The following ZNF618 variants were observed in gnomAD, a reference collection of about 807,000 sequenced individuals.
The protein encoded by ZNF618 is zinc finger protein 618, also known as neural precursor cell expressed, developmentally down-regulated 10.
In ZNF618, 34 loss-of-function variants were observed where a neutral mutation model predicts 103.0. That is an observed-to-expected ratio of 0.33 (90% CI 0.25 to 0.44). The LOEUF (loss-of-function observed/expected upper bound fraction) is 0.44. Among genes scored for constraint, ZNF618 ranks in the 20% least tolerant of loss-of-function variants. The pLI is 1.00. For synonymous variants in ZNF618, 551 were observed against 542.2 expected (o/e 1.02, Z -0.23); for missense variants, 1,059 against 1,295.4 (o/e 0.82, Z 2.80).
chr9:113,884,936 T>C (rs1564126860), intron 1 of ZNF618, among the ~76,000 whole-genome samples: 1 of 152,234 alleles, frequency 6.6e-6, no homozygotes, highest in Non-Finnish European at 1.5e-5. Context: ...TCCTGCCCTG[T>C]GTGTATACAC....
In ZNF618 at chr9:114,049,702, G is replaced by A. The variant is rs200450990; in HGVS notation, c.2400G>A (p.Pro800=). 2.0e-5 allele frequency: 33 copies of A among 1,613,704 alleles called. No homozygotes were observed. In the African/African-American group the frequency reaches 2.1e-4, roughly 10 times the overall value. The change falls in exon 15 of 15, where the codon CCG becomes CCA. Residue 800 remains proline, a synonymous_variant. Transcript: ENST00000374126. ...TCAAGGAGAACTTCAAGGTGCACCC[G>A]GCCCACAAGGTGGCCATGATCCTGG... ...EALKENFKVH[P]AHKVAMILDP...
rs1846039905 is a variant in ZNF618, at chr9:114,050,326, G to A, written c.*159G>A. 2.5e-6 allele frequency: 2 copies of A among 813,354 alleles called. No individual in the cohort carries two copies. The highest frequency in any genetic ancestry group is 1.7e-5 in the African/African-American group (1 of 57,768). 50.4% of individuals were successfully genotyped at this position (813,354 alleles called of 1,614,324 possible). ...AAGTGCTTTTTTTATATGTGTGTGTGTGCGTGTATGTACACAGCCACACGT... is the reference window on the plus strand; with the variant it reads ...AAGTGCTTTTTTTATATGTGTGTGTATGCGTGTATGTACACAGCCACACGT... On this transcript the variant is annotated 3_prime_UTR_variant, in exon 15 of 15. Coordinates refer to ENST00000374126, the MANE Select transcript of ZNF618 (RefSeq NM_001318042.2).
Position 114,053,441 on chromosome 9 carries a change from C to T in ZNF618, c.*3274C>T, listed in dbSNP as rs371065498. 3 of 152,418 alleles carry T rather than the reference C, an allele frequency of 2.0e-5. No individual in the cohort carries two copies. The highest frequency in any genetic ancestry group is 3.9e-4 in the East Asian group (2 of 5,186). 9.4% of individuals were successfully genotyped at this position (152,418 alleles called of 1,614,324 possible). On this transcript the variant is annotated 3_prime_UTR_variant, in exon 15 of 15. Coordinates refer to ENST00000374126, the MANE Select transcript of ZNF618 (RefSeq NM_001318042.2). Reference sequence around the variant, plus strand: ...TATTCTCAGCAGCCTAAGGTGGTGGCCTGCTGATGTGGAGACTACTCACCT... The same window carrying T: ...TATTCTCAGCAGCCTAAGGTGGTGGTCTGCTGATGTGGAGACTACTCACCT...
chr9:114,007,175 G>A (rs1472591520), intron 6 of ZNF618, among the ~76,000 whole-genome samples, 175 bp from the exon 7 acceptor site: 1 of 152,140 alleles, frequency 6.6e-6, no homozygotes, highest in African/African-American at 2.4e-5. Context: ...TGCCCTTGGG[G>A]CAAATCCCTT....
At chr9:113,922,863 A>G (rs1832770893) in intron 1 of ZNF618, among the ~76,000 whole-genome samples, 1 of 152,140 alleles carries the variant, frequency 6.6e-6, no homozygotes, top group African/African-American at 2.4e-5. Flanking sequence ...TGTGATTGGG[A>G]TTGTATCAAA....
At chr9:114,001,897 G>C in intron 4 of ZNF618, 99 bp from the exon 5 acceptor site, 1 of 1,037,320 alleles carries the variant, frequency 9.6e-7, no homozygotes, top group Non-Finnish European at 1.5e-6. Flanking sequence ...CTGCCCCTGG[G>C]ACAGAGAGTT....
At chr9:113,972,256 C>T (rs147719803) in intron 2 of ZNF618, among the ~76,000 whole-genome samples, 1,668 of 152,162 alleles carry the variant, frequency 0.011, 16 homozygotes, top group South Asian at 0.023. Context: ...ACTGTGTTGC[C>T]CAGGCTGGTC....
intron 1 of ZNF618, among the ~76,000 whole-genome samples, chr9:113,938,028 A>G (rs982354971): frequency 2.6e-5 from 4 of 152,164 alleles, no homozygotes; most frequent in African/African-American, 9.7e-5. Context: ...CAGAAGTCCT[A>G]TCGGGATTTT....
chr9:114,009,861 G>A (rs888986351), intron 9 of ZNF618, among the ~76,000 whole-genome samples: 4 of 152,094 alleles, frequency 2.6e-5, no homozygotes, highest in African/African-American at 9.7e-5. Flanking sequence ...CTCATCCCTT[G>A]TCTGTGGTCA....
chr9:113,891,793 A>G (rs1248311244), intron 1 of ZNF618, among the ~76,000 whole-genome samples: 1 of 152,244 alleles, frequency 6.6e-6, no homozygotes, highest in East Asian at 1.9e-4. Context: ...TGTTATTAAC[A>G]CTACTGGATT....
chr9:113,956,209 C>CAAAAAAAAAAA (rs10537910), intron 1 of ZNF618, among the ~76,000 whole-genome samples: 1 of 44,532 alleles, frequency 2.2e-5, no homozygotes, highest in African/African-American at 1.0e-4. Flanking sequence ...AACTCTGTCT[C>CAAAAAAAAAAA]AAAAAAAAAA....
chr9:113,881,394 C>T (rs1004113518), intron 1 of ZNF618, among the ~76,000 whole-genome samples: 3 of 152,120 alleles, frequency 2.0e-5, no homozygotes, highest in African/African-American at 7.2e-5. Flanking sequence ...TTTTAATTTT[C>T]TCACAGTGTA....
intron 11 of ZNF618, 112 bp downstream of exon 11, chr9:114,029,084 C>A: frequency 7.0e-7 from 1 of 1,422,376 alleles, no homozygotes; most frequent in South Asian, 1.4e-5. Context: ...GTGGCAGTCC[C>A]GTAGTGATCT....
At chr9:113,903,946 A>G (rs1487301327) in intron 1 of ZNF618, among the ~76,000 whole-genome samples, 2 of 150,526 alleles carry the variant, frequency 1.3e-5, no homozygotes, top group Non-Finnish European at 2.9e-5. Flanking sequence ...GTTCACACCA[A>G]ACTAGAAAAC....
At chr9:114,033,389 A>AAGAG (rs10624141) in intron 12 of ZNF618, among the ~76,000 whole-genome samples, 29,922 of 146,978 alleles carry the variant, frequency 0.2, 3,742 homozygotes, top group East Asian at 0.29. Flanking sequence ...CTGTCTCAAA[A>AAGAG]AGAGAGAGAG....
chr9:113,960,548 A>G (rs2773396), intron 1 of ZNF618, among the ~76,000 whole-genome samples: 100,414 of 151,596 alleles, frequency 0.66, 33,440 homozygotes, highest in Admixed American at 0.71. Flanking sequence ...TCCATTCCAG[A>G]CAGGAATGAT....
chr9:113,993,121 C>G (rs1008854554), intron 3 of ZNF618, among the ~76,000 whole-genome samples: 9 of 152,188 alleles, frequency 5.9e-5, no homozygotes, highest in Non-Finnish European at 1.0e-4. Flanking sequence ...GCTGCAGGAA[C>G]AGCTCTGTAC....
At chr9:113,933,544 A>C (rs1833785565) in intron 1 of ZNF618, among the ~76,000 whole-genome samples, 1 of 152,112 alleles carries the variant, frequency 6.6e-6, no homozygotes, top group Non-Finnish European at 1.5e-5. Flanking sequence ...CTGTTAGTGG[A>C]GAGCAGGTTG....
intron 10 of ZNF618, among the ~76,000 whole-genome samples, chr9:114,027,732 CA>C (rs1843637789): frequency 1.3e-5 from 2 of 152,014 alleles, no homozygotes; most frequent in Admixed American, 1.3e-4. Context: ...CTGCCTGGGC[CA>C]GGGGAGCAAC....
Sources: allele counts gnomAD v4.1 joint callset (sites outside exome capture counted in the v4.1 genomes callset), GRCh38; gene constraint gnomAD v4.1.1; transcripts MANE v1.5; gene names NCBI Gene and HGNC (gene_info 2026-07-23, HGNC 2026-07-21).